Variants in COL4A5 observed in about 807,000 individuals in gnomAD.
COL4A5 encodes collagen alpha-5(IV) chain.
A neutral mutation model predicts 130.2 loss-of-function variants in COL4A5; 26 were observed. The observed-to-expected ratio is 0.20, with a 90% CI of 0.15 to 0.28. COL4A5 has a LOEUF of 0.28. COL4A5 is among the 10% of genes least tolerant of loss of function. The pLI is 1.00. For synonymous variants in COL4A5, 496 were observed against 439.6 expected (o/e 1.13, Z -1.60); for missense variants, 1,131 against 1,344.3 (o/e 0.84, Z 2.48).
At chrX:108,598,429 A>G (rs2066560938) in intron 24 of COL4A5, among the ~76,000 whole-genome samples, 1 of 111,770 alleles carries the variant, frequency 8.9e-6, no homozygotes, top group Admixed American at 9.5e-5. Context: ...TCTGACTTAC[A>G]CTAAAATGTA....
chrX:108,626,411 T>C, intron 36 of COL4A5, 62 bp downstream of exon 36: 1 of 1,185,596 alleles, frequency 8.4e-7, no homozygotes, highest in Non-Finnish European at 1.1e-6. Context: ...TTTAATACTA[T>C]GCTCATTCCT....
chrX:108,678,052 G>C (rs746310977), intron 44 of COL4A5, among the ~76,000 whole-genome samples: 16 of 111,757 alleles, frequency 1.4e-4, no homozygotes, highest in Admixed American at 5.7e-4. Context: ...GCACACTTCT[G>C]CTTTGTATCT....
chrX:108,568,629 G>T lies in COL4A5; in HGVS notation c.277G>T (p.Gly93Cys). Residue 93 changes from glycine to cysteine, a missense_variant and splice_region_variant, in exon 5 of 53, where the codon GGT becomes TGT. Gly to Cys is a radical substitution (Grantham distance 159). Transcript: ENST00000328300. The stretch of plus-strand genomic sequence containing the variant: ...TTAAGGATTTTATTTCTTCTTATAG[G>T]GTCCTCCTGGACTTCCTGGATTTCC... ...PGPPGPKGIR[G>C]PPGLPGFPGT... The T allele has an allele frequency of 8.5e-7, 1 of 1,177,829 alleles. No individual in the cohort carries two copies. The highest frequency in any genetic ancestry group is 1.2e-6 in the Non-Finnish European group (1 of 866,065).
At chrX:108,607,643 C>T (rs2066757563) in intron 29 of COL4A5, among the ~76,000 whole-genome samples, 1 of 108,429 alleles carries the variant, frequency 9.2e-6, no homozygotes, top group Non-Finnish European at 1.9e-5. Context: ...GCCACCAGGC[C>T]CAGCTAATTT....
intron 2 of COL4A5, among the ~76,000 whole-genome samples, chrX:108,556,399 GT>G (rs1473558915): frequency 9.0e-6 from 1 of 110,990 alleles, no homozygotes; most frequent in Non-Finnish European, 1.9e-5. Flanking sequence ...TGAGAGCCTA[GT>G]TTTTTAGTAA....
chrX:108,482,504 A>T (rs1264079151), intron 1 of COL4A5, among the ~76,000 whole-genome samples: 1 of 111,118 alleles, frequency 9.0e-6, no homozygotes, highest in East Asian at 2.8e-4. Flanking sequence ...TGGGGAAGCT[A>T]TTCCTTCTGG....
At chrX:108,506,912 TC>T (rs1350554677) in intron 1 of COL4A5, among the ~76,000 whole-genome samples, 1 of 110,939 alleles carries the variant, frequency 9.0e-6, no homozygotes, top group Non-Finnish European at 1.9e-5. Flanking sequence ...CACCTGGTGG[TC>T]ATTGTTTATA....
intron 43 of COL4A5, among the ~76,000 whole-genome samples, chrX:108,675,330 G>A (rs1033711474): frequency 2.7e-5 from 3 of 111,251 alleles, no homozygotes; most frequent in Non-Finnish European, 5.7e-5. Flanking sequence ...AGATGATACA[G>A]TGTTCTGATA....
chrX:108,545,050 C>A (rs760038351), intron 2 of COL4A5, among the ~76,000 whole-genome samples: 3 of 111,472 alleles, frequency 2.7e-5, no homozygotes, highest in Admixed American at 9.5e-5. Context: ...TTGATCTTTT[C>A]AAAAAACCAG....
At chrX:108,663,575 G>A (rs1177266672) in intron 37 of COL4A5, among the ~76,000 whole-genome samples, 1 of 110,534 alleles carries the variant, frequency 9.0e-6, no homozygotes, top group Non-Finnish European at 1.9e-5. Context: ...TGTGGCCTGT[G>A]GAGCAGGGTG....
chrX:108,487,467 AT>A (rs953729933), intron 1 of COL4A5, among the ~76,000 whole-genome samples: 6 of 105,434 alleles, frequency 5.7e-5, no homozygotes, highest in Admixed American at 1.0e-4. Flanking sequence ...TTATTTTTTT[AT>A]TTTTTTTTAA....
At chrX:108,580,388 A>C (rs1166590580) in intron 13 of COL4A5, 145 bp from the exon 14 acceptor site, 1 of 561,983 alleles carries the variant, frequency 1.8e-6, no homozygotes, top group Non-Finnish European at 3.2e-6. Flanking sequence ...TTAGGATTAT[A>C]GCCTCCAGCT....
chrX:108,687,471 C>T lies in COL4A5; in HGVS notation c.4316-11C>T, dbSNP rs369725471. 17 of 1,199,964 alleles carry T rather than the reference C, an allele frequency of 1.4e-5. No homozygotes were observed. The highest frequency in any genetic ancestry group is 1.4e-4 in the African/African-American group (8 of 56,955). On this transcript the variant is annotated splice_polypyrimidine_tract_variant and intron_variant, in intron 48 of 52. Transcript: ENST00000328300. Reference sequence around the variant, plus strand: ...ACTTAATCTTGTATACTGATTATTTCGTGGAAATAGGTACCCGTGGTTTGG... The same window carrying T: ...ACTTAATCTTGTATACTGATTATTTTGTGGAAATAGGTACCCGTGGTTTGG...
At chrX:108,614,376 A>G (rs770482824) in intron 29 of COL4A5, among the ~76,000 whole-genome samples, 58 of 111,619 alleles carry the variant, frequency 5.2e-4, no homozygotes, top group Non-Finnish European at 9.2e-4. Flanking sequence ...AAAACTCATC[A>G]AAGTGTACAC....
intron 1 of COL4A5, among the ~76,000 whole-genome samples, chrX:108,536,056 A>G (rs941066218): frequency 4.5e-5 from 5 of 111,715 alleles, no homozygotes; most frequent in African/African-American, 1.3e-4. Context: ...GGTTGCTGGT[A>G]TGTAAATTTT....
intron 2 of COL4A5, among the ~76,000 whole-genome samples, chrX:108,541,815 T>C (rs1196941983): frequency 8.9e-6 from 1 of 112,277 alleles, no homozygotes; most frequent in African/African-American, 3.2e-5. Context: ...TTCAGCTGAG[T>C]TAACTATACT....
intron 16 of COL4A5, among the ~76,000 whole-genome samples, chrX:108,581,471 G>T (rs1220486117): frequency 9.0e-6 from 1 of 111,635 alleles, no homozygotes; most frequent in East Asian, 2.8e-4. Flanking sequence ...ACATACAGTT[G>T]TGTCACCACC....
intron 36 of COL4A5, chrX:108,627,597 G>C (rs1004293403): frequency 1.4e-6 from 1 of 693,476 alleles, no homozygotes; most frequent in Non-Finnish European, 1.7e-6. Flanking sequence ...TGTAATTGTT[G>C]GATCAAAGGA....
chrX:108,651,016 A>T (rs867656975), intron 36 of COL4A5, among the ~76,000 whole-genome samples: 41 of 112,123 alleles, frequency 3.7e-4, no homozygotes, highest in African/African-American at 1.2e-3. Context: ...TGATGTACTG[A>T]TACATGGTGT....
Sources: allele counts gnomAD v4.1 joint callset (sites outside exome capture counted in the v4.1 genomes callset), GRCh38; gene constraint gnomAD v4.1.1; transcripts MANE v1.5; gene names NCBI Gene and HGNC (gene_info 2026-07-23, HGNC 2026-07-21).